Variants in YAF2 observed in about 807,000 individuals in gnomAD.
The protein encoded by YAF2 is YY1-associated factor 2.
A neutral mutation model predicts 20.1 loss-of-function variants in YAF2; 7 were observed. The ratio of observed to expected loss-of-function variants is 0.35; its 90% CI spans 0.20 to 0.65. YAF2 has a LOEUF of 0.65. Among genes scored for constraint, YAF2 ranks in the 30% least tolerant of loss-of-function variants. The pLI is 0.69. For synonymous variants in YAF2, 74 were observed against 76.0 expected (o/e 0.97, Z 0.14); for missense variants, 151 against 219.2 (o/e 0.69, Z 1.96).
At chr12:42,179,097 A>G (rs1483796415) in intron 2 of YAF2, among the ~76,000 whole-genome samples, 5 of 152,198 alleles carry the variant, frequency 3.3e-5, no homozygotes, top group Non-Finnish European at 7.3e-5. Flanking sequence ...CTCCACCTTT[A>G]AGAACTTGAT....
intron 2 of YAF2, among the ~76,000 whole-genome samples, chr12:42,228,245 T>G (rs1466463582): frequency 7.2e-5 from 3 of 41,796 alleles, no homozygotes; most frequent in Admixed American, 2.8e-4. Flanking sequence ...TGGAGGGAGG[T>G]GGGGGTGTCG....
At chr12:42,175,418 T>G (rs1479020993) in intron 2 of YAF2, among the ~76,000 whole-genome samples, 1 of 151,486 alleles carries the variant, frequency 6.6e-6, no homozygotes, top group African/African-American at 2.4e-5. Flanking sequence ...CTCCAGAAAA[T>G]AATGGATGTG....
intron 2 of YAF2, chr12:42,234,219 G>A (rs1592071772): frequency 1.1e-6 from 1 of 918,798 alleles, no homozygotes; most frequent in African/African-American, 1.9e-5. Context: ...GAAAAGAAAA[G>A]AAAAGAAAAG....
intron 2 of YAF2, among the ~76,000 whole-genome samples, chr12:42,195,182 C>T (rs2066718455): frequency 3.9e-5 from 6 of 152,122 alleles, no homozygotes; most frequent in Admixed American, 3.9e-4. Context: ...AAACTCCTGG[C>T]TAGATGTCCA....
In YAF2 at chr12:42,161,019, A is replaced by G. The variant is rs990077830; in HGVS notation, c.306-193T>C. ...TTAATCAAACCAATCATTCATGAAC[A>G]TTCTTCAATGCAACCAAAAAACTGT... On this transcript the variant is annotated intron_variant, in intron 3 of 3. Transcript: ENST00000534854. 1.5e-5 allele frequency: 8 copies of G among 546,570 alleles called. No homozygotes were observed. The African/African-American group carries it at 1.6e-4, about 11-fold the overall frequency. The allele number at this position is 546,570 out of a possible 1,614,324, so 33.9% of individuals were successfully genotyped here. A position where few individuals can be genotyped will look rare whatever the true frequency, so the allele number is the denominator to read the frequency against.
chr12:42,181,297 T>C (rs977089392), intron 2 of YAF2, among the ~76,000 whole-genome samples: 3 of 152,268 alleles, frequency 2.0e-5, no homozygotes, highest in Admixed American at 2.0e-4. Flanking sequence ...GTTTACTCTG[T>C]GCTCTTTCCT....
At chr12:42,223,433 A>G (rs1362545357) in intron 2 of YAF2, among the ~76,000 whole-genome samples, 1 of 152,170 alleles carries the variant, frequency 6.6e-6, no homozygotes, top group Admixed American at 6.5e-5. Context: ...AAAGAACATA[A>G]TTTGGGTGAA....
intron 2 of YAF2, among the ~76,000 whole-genome samples, chr12:42,182,680 G>A (rs753378096): frequency 3.0e-4 from 46 of 152,116 alleles, no homozygotes; most frequent in Non-Finnish European, 1.5e-4. Flanking sequence ...AGGTCAGAAC[G>A]GTTGTAATGT....
chr12:42,224,181 T>C (rs2067611840), intron 2 of YAF2, among the ~76,000 whole-genome samples: 1 of 152,202 alleles, frequency 6.6e-6, no homozygotes, highest in Non-Finnish European at 1.5e-5. Flanking sequence ...ACCTATCTTC[T>C]GTGCTAGAAT....
At chr12:42,220,314 G>A (rs1273845333) in intron 2 of YAF2, among the ~76,000 whole-genome samples, 1 of 151,594 alleles carries the variant, frequency 6.6e-6, no homozygotes, top group East Asian at 1.9e-4. Flanking sequence ...TTATAATCAT[G>A]AGAAAAAGAA....
At chr12:42,169,437 A>T (rs753763704) in intron 2 of YAF2, among the ~76,000 whole-genome samples, 4 of 151,416 alleles carry the variant, frequency 2.6e-5, no homozygotes, top group Non-Finnish European at 4.4e-5. Flanking sequence ...TTTTTCGGAG[A>T]CATAGTCTCA....
chr12:42,226,562 G>A (rs1167069103), intron 2 of YAF2, among the ~76,000 whole-genome samples: 2 of 152,108 alleles, frequency 1.3e-5, no homozygotes, highest in Non-Finnish European at 2.9e-5. Flanking sequence ...TACTTGGGAG[G>A]CTAAGGTGGG....
chr12:42,237,967 C>T (rs1279076275), intron 1 of YAF2, among the ~76,000 whole-genome samples, 188 bp downstream of exon 1: 4 of 148,940 alleles, frequency 2.7e-5, no homozygotes, highest in Non-Finnish European at 4.5e-5. Flanking sequence ...CTCCGGTCGC[C>T]GCCGCCATCG....
At chr12:42,200,527 T>G (rs1158044023) in intron 2 of YAF2, among the ~76,000 whole-genome samples, 1 of 152,208 alleles carries the variant, frequency 6.6e-6, no homozygotes, top group Non-Finnish European at 1.5e-5. Flanking sequence ...TTCCAGTGCT[T>G]CTTTTTGCAA....
intron 2 of YAF2, among the ~76,000 whole-genome samples, chr12:42,174,032 A>G (rs1295343455): frequency 2.0e-5 from 3 of 151,802 alleles, no homozygotes; most frequent in African/African-American, 7.3e-5. Context: ...TGCTTAAACA[A>G]TATTTCCTTC....
chr12:42,235,710 T>C (rs985994921), intron 2 of YAF2: 1 of 1,533,486 alleles, frequency 6.5e-7, no homozygotes. Context: ...CCTCCTCAAG[T>C]AATGTTTCCA....
At position 42,158,013 on chromosome 12, in the gene YAF2, C is replaced by T. The variant is rs2065736242; in HGVS notation, c.*2576G>A. On this transcript the variant is annotated 3_prime_UTR_variant, in exon 4 of 4. Transcript: ENST00000534854. ...GGAATTTGGCTAAAAGAACCCAGTG[C>T]TCAAACCACACTGTAAGTTCATGAA... 1 of 152,126 alleles carries T rather than the reference C, an allele frequency of 6.6e-6. No homozygotes were observed. Among genetic ancestry groups the T allele is most frequent in the African/African-American group, 2.4e-5 (1 of 41,426 alleles). The allele number at this position is 152,126 out of a possible 1,614,324, so 9.4% of individuals were successfully genotyped here. A position where few individuals can be genotyped will look rare whatever the true frequency, so the allele number is the denominator to read the frequency against.
chr12:42,175,564 T>TG (rs2066161787), intron 2 of YAF2, among the ~76,000 whole-genome samples: 1 of 150,434 alleles, frequency 6.6e-6, no homozygotes, highest in South Asian at 2.1e-4. Flanking sequence ...AAAATTTTTT[T>TG]AACCTAACTA....
intron 2 of YAF2, among the ~76,000 whole-genome samples, chr12:42,213,957 C>A (rs914886037): frequency 5.3e-5 from 8 of 152,192 alleles, no homozygotes; most frequent in African/African-American, 1.9e-4. Context: ...GCCCCATTAT[C>A]TTTCACCTAA....
Sources: allele counts gnomAD v4.1 joint callset (sites outside exome capture counted in the v4.1 genomes callset), GRCh38; gene constraint gnomAD v4.1.1; transcripts MANE v1.5; gene names NCBI Gene and HGNC (gene_info 2026-07-23, HGNC 2026-07-21).